The following CSMD1 variants were observed in gnomAD, a reference collection of about 807,000 sequenced individuals.
The protein encoded by CSMD1 is CUB and Sushi multiple domains 1, also known as CUB and sushi domain-containing protein 1.
Under a neutral mutation model 417.5 loss-of-function variants are expected in CSMD1, and 213 were observed. The observed-to-expected ratio is 0.51, with a 90% CI of 0.46 to 0.57. The LOEUF (loss-of-function observed/expected upper bound fraction) is 0.57. CSMD1 is among the 20% of genes least tolerant of loss of function. The pLI is 0.00. For synonymous variants in CSMD1, 2,862 were observed against 1,736.8 expected, an observed-to-expected ratio of 1.65 and a Z score of -16.11; for missense variants, 6,923 against 4,529.7, an observed-to-expected ratio of 1.53 and a Z score of -15.17.
At chr8:4,016,058 T>C (rs1796508613) in intron 4 of CSMD1, among the ~76,000 whole-genome samples, 1 of 152,182 alleles carries the variant, frequency 6.6e-6, no homozygotes, top group East Asian at 1.9e-4. Flanking sequence ...GAGAATGTGA[T>C]TCCATATCTG....
intron 1 of CSMD1, among the ~76,000 whole-genome samples, chr8:4,831,738 T>G (rs1376368073): frequency 6.6e-6 from 1 of 152,192 alleles, no homozygotes; most frequent in Non-Finnish European, 1.5e-5. Flanking sequence ...GTACCTGGCC[T>G]TGGGGTTCTA....
At chr8:4,031,060 T>C (rs1797319320) in intron 4 of CSMD1, among the ~76,000 whole-genome samples, 1 of 152,198 alleles carries the variant, frequency 6.6e-6, no homozygotes, top group Non-Finnish European at 1.5e-5. Context: ...GTCAAAGCTA[T>C]TCAACAAGTC....
intron 23 of CSMD1, among the ~76,000 whole-genome samples, chr8:3,318,405 G>A (rs951522511): frequency 2.6e-5 from 4 of 152,008 alleles, no homozygotes; most frequent in Non-Finnish European, 5.9e-5. Flanking sequence ...GTGCCTGCTC[G>A]GCTTCAGATA....
intron 12 of CSMD1, among the ~76,000 whole-genome samples, chr8:3,462,131 C>A (rs954656839): frequency 3.0e-4 from 45 of 151,976 alleles, no homozygotes; most frequent in Middle Eastern, 3.4e-3. Context: ...GGCCCCCCCC[C>A]CCACCTCCCA....
intron 10 of CSMD1, among the ~76,000 whole-genome samples, chr8:3,546,822 C>G (rs1203821691): frequency 6.6e-6 from 1 of 152,108 alleles, no homozygotes; most frequent in African/African-American, 2.4e-5. Flanking sequence ...CATTTACTTC[C>G]AGTGATGTTA....
At chr8:4,032,171 C>T in intron 3 of CSMD1, 72 bp from the exon 4 acceptor site, 1 of 1,080,468 alleles carries the variant, frequency 9.3e-7, no homozygotes, top group Non-Finnish European at 1.3e-6. Context: ...TAAGATAAAA[C>T]AGACACCATT....
At chr8:3,203,794 A>G (rs1585644906) in intron 31 of CSMD1, among the ~76,000 whole-genome samples, 1 of 152,206 alleles carries the variant, frequency 6.6e-6, no homozygotes, top group Non-Finnish European at 1.5e-5. Flanking sequence ...GGATGAGAAT[A>G]GAGGAAACTG....
chr8:4,939,672 C>T (rs967740757), intron 1 of CSMD1, among the ~76,000 whole-genome samples: 3 of 152,080 alleles, frequency 2.0e-5, no homozygotes, highest in African/African-American at 7.2e-5. Flanking sequence ...AGATACTGGC[C>T]AAATGTTACA....
At chr8:3,864,531 A>G (rs552758749) in intron 5 of CSMD1, among the ~76,000 whole-genome samples, 2 of 152,296 alleles carry the variant, frequency 1.3e-5, no homozygotes, top group Admixed American at 1.3e-4. Flanking sequence ...GGTTTGTTAC[A>G]TATGTATACA....
chr8:4,040,996 T>TTTCC (rs1797857169), intron 3 of CSMD1, among the ~76,000 whole-genome samples: 1 of 129,022 alleles, frequency 7.8e-6, no homozygotes, highest in African/African-American at 2.7e-5. Context: ...CTATATTTTC[T>TTTCC]TTTCTTTCTT....
intron 1 of CSMD1, among the ~76,000 whole-genome samples, chr8:4,712,124 C>G (rs771430434): frequency 1.3e-5 from 2 of 152,160 alleles, no homozygotes; most frequent in Non-Finnish European, 2.9e-5. Context: ...ATGGGACTGA[C>G]CGTGGTTGAA....
intron 1 of CSMD1, among the ~76,000 whole-genome samples, chr8:4,796,012 G>A (rs76056291): frequency 0.012 from 1,885 of 152,234 alleles, 45 homozygotes; most frequent in African/African-American, 0.043. Flanking sequence ...AACAAATACA[G>A]CTAAGGGCAA....
chr8:3,852,828 T>A (rs1008841423), intron 5 of CSMD1, among the ~76,000 whole-genome samples: 2 of 152,190 alleles, frequency 1.3e-5, no homozygotes, highest in African/African-American at 4.8e-5. Context: ...CTCCGCTTTC[T>A]GTAACCCACC....
At chr8:3,400,973 T>TA (rs1812005940) in intron 15 of CSMD1, among the ~76,000 whole-genome samples, 1 of 151,558 alleles carries the variant, frequency 6.6e-6, no homozygotes. Context: ...TTATACTTAT[T>TA]AATATTTTAA....
intron 5 of CSMD1, among the ~76,000 whole-genome samples, chr8:3,986,318 C>A (rs1308524402): frequency 6.6e-6 from 1 of 152,224 alleles, no homozygotes; most frequent in Admixed American, 6.5e-5. Context: ...TCAGTGAAAA[C>A]CCTTCTAGGG....
chr8:4,861,514 G>A (rs1349262139), intron 1 of CSMD1, among the ~76,000 whole-genome samples: 5 of 152,204 alleles, frequency 3.3e-5, no homozygotes, highest in South Asian at 2.1e-4. Flanking sequence ...TTAGTGTCAA[G>A]TGAGGGGTAT....
intron 2 of CSMD1, among the ~76,000 whole-genome samples, chr8:4,526,818 A>C (rs1408991876): frequency 1.3e-5 from 2 of 152,226 alleles, no homozygotes; most frequent in Non-Finnish European, 2.9e-5. Flanking sequence ...CCTGGAGAAT[A>C]AATTTAATCG....
intron 10 of CSMD1, among the ~76,000 whole-genome samples, chr8:3,505,315 G>A (rs1470959593): frequency 6.6e-6 from 1 of 152,186 alleles, no homozygotes; most frequent in Non-Finnish European, 1.5e-5. Flanking sequence ...AGTGACCGCT[G>A]AAACTTTGAA....
At chr8:3,686,392 G>A (rs1308948169) in intron 7 of CSMD1, among the ~76,000 whole-genome samples, 1 of 152,146 alleles carries the variant, frequency 6.6e-6, no homozygotes, top group Admixed American at 6.5e-5. Flanking sequence ...CACTGACGAT[G>A]AGAGTTGCAT....
Sources: allele counts gnomAD v4.1 joint callset (sites outside exome capture counted in the v4.1 genomes callset), GRCh38; gene constraint gnomAD v4.1.1; transcripts MANE v1.5; gene names NCBI Gene and HGNC (gene_info 2026-07-23, HGNC 2026-07-21).